The following KCNQ5 variants were observed in gnomAD, a reference collection of about 807,000 sequenced individuals.
KCNQ5 encodes potassium voltage-gated channel subfamily KQT member 5.
Under a neutral mutation model 98.2 loss-of-function variants are expected in KCNQ5, and 30 were observed. The observed-to-expected ratio is 0.31, with a 90% confidence interval of 0.23 to 0.41. KCNQ5 has a LOEUF of 0.41. KCNQ5 is among the 10% of genes least tolerant of loss of function. KCNQ5 has a pLI of 1.00. For synonymous variants in KCNQ5, 458 were observed against 449.4 expected (o/e 1.02, Z -0.24); for missense variants, 835 against 1,182.5 (o/e 0.71, Z 4.31).
chr6:72,951,065 A>C (rs538421732), intron 1 of KCNQ5, among the ~76,000 whole-genome samples: 4 of 152,212 alleles, frequency 2.6e-5, no homozygotes, highest in Middle Eastern at 3.4e-3. Flanking sequence ...CCCAGATCCC[A>C]AAAAAATCAA....
chr6:72,963,987 A>G (rs142255323), intron 1 of KCNQ5, among the ~76,000 whole-genome samples: 515 of 152,280 alleles, frequency 3.4e-3, no homozygotes, highest in Non-Finnish European at 4.8e-3. Context: ...TGAGCTTCGT[A>G]TATTTTTTTG....
chr6:73,122,934 G>C (rs1363805650), intron 8 of KCNQ5, among the ~76,000 whole-genome samples: 3 of 152,190 alleles, frequency 2.0e-5, no homozygotes, highest in Admixed American at 6.5e-5. Context: ...ACCGAATGGA[G>C]AGTGTTGTAG....
intron 1 of KCNQ5, chr6:72,986,972 C>T: frequency 1.2e-6 from 1 of 800,704 alleles, no homozygotes; most frequent in Non-Finnish European, 2.1e-6. Flanking sequence ...CCAGGGAGCA[C>T]AGTGGGAAGG....
intron 1 of KCNQ5, among the ~76,000 whole-genome samples, chr6:72,680,740 C>G (rs570531927): frequency 2.0e-5 from 3 of 152,200 alleles, no homozygotes; most frequent in African/African-American, 7.2e-5. Flanking sequence ...TCCACATTTA[C>G]AAAAATATAA....
intron 1 of KCNQ5, among the ~76,000 whole-genome samples, chr6:72,854,651 T>A (rs1777442281): frequency 6.6e-6 from 1 of 150,932 alleles, no homozygotes; most frequent in South Asian, 2.1e-4. Context: ...TTTTTTATAA[T>A]GTCAAAACAT....
At chr6:73,163,775 A>T (rs543528751) in intron 10 of KCNQ5, among the ~76,000 whole-genome samples, 120 of 152,316 alleles carry the variant, frequency 7.9e-4, no homozygotes, top group Middle Eastern at 3.4e-3. Flanking sequence ...ATAAGTAAAT[A>T]AAAAATAGCA....
At chr6:73,055,848 C>T in intron 3 of KCNQ5, 1 of 696,362 alleles carries the variant, frequency 1.4e-6, no homozygotes, top group Non-Finnish European at 2.7e-6. Context: ...AGGGCAAAGC[C>T]AAGAAGTGAA....
At chr6:73,012,378 T>A (rs895622084) in intron 2 of KCNQ5, among the ~76,000 whole-genome samples, 24 of 151,984 alleles carry the variant, frequency 1.6e-4, no homozygotes, top group African/African-American at 5.3e-4. Context: ...AGAAAAATAA[T>A]GTATGATTCC....
chr6:73,108,236 C>T (rs1775082231), intron 6 of KCNQ5, among the ~76,000 whole-genome samples: 1 of 152,200 alleles, frequency 6.6e-6, no homozygotes, highest in African/African-American at 2.4e-5. Context: ...AATGAGCTCA[C>T]AGAAGAAGCC....
intron 1 of KCNQ5, among the ~76,000 whole-genome samples, chr6:72,821,205 A>C (rs1582354864): frequency 6.6e-6 from 1 of 152,186 alleles, no homozygotes; most frequent in Non-Finnish European, 1.5e-5. Context: ...TATTTGGCCT[A>C]GTCACCCAAC....
intron 1 of KCNQ5, among the ~76,000 whole-genome samples, chr6:72,673,841 A>C (rs7748934): frequency 0.99 from 150,536 of 152,290 alleles, 74,454 homozygotes; most frequent in Middle Eastern, 1. Context: ...AGATTGGACA[A>C]TAGAAGTTAT....
At chr6:72,873,868 C>A in intron 1 of KCNQ5, among the ~76,000 whole-genome samples, 1 of 151,858 alleles carries the variant, frequency 6.6e-6, no homozygotes, top group East Asian at 1.9e-4. Flanking sequence ...AAACGTATAT[C>A]TTTTGCAAAA....
chr6:72,935,566 A>G (rs1308353436), intron 1 of KCNQ5, among the ~76,000 whole-genome samples: 1 of 152,040 alleles, frequency 6.6e-6, no homozygotes, highest in African/African-American at 2.4e-5. Context: ...TGTTTCTTTT[A>G]TCTTGTATCA....
At chr6:72,679,673 T>G (rs1227936943) in intron 1 of KCNQ5, among the ~76,000 whole-genome samples, 1 of 151,854 alleles carries the variant, frequency 6.6e-6, no homozygotes, top group Non-Finnish European at 1.5e-5. Context: ...TGTATACACA[T>G]GTAACTAACC....
At chr6:72,675,761 T>A (rs1767377065) in intron 1 of KCNQ5, among the ~76,000 whole-genome samples, 2 of 152,220 alleles carry the variant, frequency 1.3e-5, no homozygotes, top group African/African-American at 4.8e-5. Context: ...TCTTTTAAAC[T>A]AAGCCTTAGG....
chr6:72,939,678 A>G (rs751805532), intron 1 of KCNQ5, among the ~76,000 whole-genome samples: 17 of 152,176 alleles, frequency 1.1e-4, no homozygotes, highest in Non-Finnish European at 2.2e-4. Flanking sequence ...CACTCACTCA[A>G]CACATACTTG....
intron 1 of KCNQ5, among the ~76,000 whole-genome samples, chr6:72,995,459 T>C (rs2150314619): frequency 6.6e-6 from 1 of 152,230 alleles, no homozygotes; most frequent in South Asian, 2.1e-4. Context: ...TAAATAATGC[T>C]TATTTCTTAT....
At chr6:73,005,617 C>A (rs2150324487) in intron 2 of KCNQ5, among the ~76,000 whole-genome samples, 1 of 150,818 alleles carries the variant, frequency 6.6e-6, no homozygotes, top group South Asian at 2.1e-4. Context: ...TGATTAGTAT[C>A]TTGACTTTTA....
At chr6:73,061,574 C>T in intron 3 of KCNQ5, among the ~76,000 whole-genome samples, 1 of 152,064 alleles carries the variant, frequency 6.6e-6, no homozygotes, top group East Asian at 1.9e-4. Context: ...AGATAATTTA[C>T]CATAGGATTT....
Sources: allele counts gnomAD v4.1 joint callset (sites outside exome capture counted in the v4.1 genomes callset), GRCh38; gene constraint gnomAD v4.1.1; transcripts MANE v1.5; gene names NCBI Gene and HGNC (gene_info 2026-07-23, HGNC 2026-07-21).